The following KCNB2 variants were observed in gnomAD, a reference collection of about 807,000 sequenced individuals.
KCNB2 encodes the protein potassium voltage-gated channel subfamily B member 2.
In KCNB2, 15 loss-of-function variants were observed where a neutral mutation model predicts 61.5. The ratio of observed to expected loss-of-function variants is 0.24; its 90% CI spans 0.16 to 0.38. The LOEUF (loss-of-function observed/expected upper bound fraction) is 0.38. KCNB2 is among the 10% of genes least tolerant of loss of function. The pLI is 1.00. For missense variants in KCNB2, 828 were observed against 1,125.2 expected, an observed-to-expected ratio of 0.74 and a Z score of 3.78; for synonymous variants, 457 against 446.0, an observed-to-expected ratio of 1.02 and a Z score of -0.31.
intron 2 of KCNB2, among the ~76,000 whole-genome samples, chr8:72,839,572 C>A (rs1172762945): frequency 1.3e-5 from 2 of 149,352 alleles, no homozygotes; most frequent in African/African-American, 2.5e-5. Flanking sequence ...AAGAGGAGTG[C>A]CCCTTGAGCT....
chr8:72,544,014 C>T (rs1806226471), intron 1 of KCNB2, among the ~76,000 whole-genome samples: 1 of 152,124 alleles, frequency 6.6e-6, no homozygotes, highest in Admixed American at 6.5e-5. Flanking sequence ...TAGGGACATC[C>T]TATTAGTGGG....
At chr8:72,686,441 G>C (rs1024855822) in intron 2 of KCNB2, among the ~76,000 whole-genome samples, 1 of 152,042 alleles carries the variant, frequency 6.6e-6, no homozygotes, top group Non-Finnish European at 1.5e-5. Flanking sequence ...TCTGACTCCT[G>C]GGCTCAAGTG....
chr8:72,832,534 A>G (rs1254503939), intron 2 of KCNB2, among the ~76,000 whole-genome samples: 1 of 152,188 alleles, frequency 6.6e-6, no homozygotes, highest in Non-Finnish European at 1.5e-5. Flanking sequence ...AAATTAAAGC[A>G]GTACCAGAGC....
chr8:72,665,389 C>A (rs753211071), intron 2 of KCNB2, among the ~76,000 whole-genome samples: 2 of 152,036 alleles, frequency 1.3e-5, no homozygotes, highest in Non-Finnish European at 2.9e-5. Flanking sequence ...CTGGGGAAGT[C>A]GGATGGGGAG....
At chr8:72,751,081 C>A (rs2962310) in intron 2 of KCNB2, 13,975 of 152,070 alleles carry the variant, frequency 0.092, 1,231 homozygotes, top group East Asian at 0.5. Flanking sequence ...AAGCTTGAAG[C>A]TTGGTAGCAA....
At chr8:72,814,410 C>G (rs531365534) in intron 2 of KCNB2, among the ~76,000 whole-genome samples, 1 of 152,234 alleles carries the variant, frequency 6.6e-6, no homozygotes, top group African/African-American at 2.4e-5. Context: ...TTTACAGGTA[C>G]GACCAGTTTT....
chr8:72,901,489 C>G (rs2129006623), intron 2 of KCNB2, among the ~76,000 whole-genome samples: 1 of 152,278 alleles, frequency 6.6e-6, no homozygotes, highest in South Asian at 2.1e-4. Flanking sequence ...TACATTATGA[C>G]TTTCTTCTAT....
At chr8:72,887,480 C>A (rs901272659) in intron 2 of KCNB2, among the ~76,000 whole-genome samples, 3 of 152,248 alleles carry the variant, frequency 2.0e-5, no homozygotes, top group African/African-American at 7.2e-5. Context: ...AAACTCTGTA[C>A]GAGCTCATCA....
intron 2 of KCNB2, among the ~76,000 whole-genome samples, chr8:72,844,985 T>A (rs1478504088): frequency 6.6e-6 from 1 of 152,226 alleles, no homozygotes; most frequent in Non-Finnish European, 1.5e-5. Flanking sequence ...CCGTTGCTGG[T>A]GAGGAGTTGT....
At position 72,821,633 on chromosome 8, in the gene KCNB2, A is replaced by C. The variant is rs562516982; in HGVS notation, c.580-114302A>C. 4.6e-3 allele frequency among the ~76,000 whole-genome samples: 407 copies of C among 88,192 alleles called. 2 individuals are homozygous for C. Among genetic ancestry groups the C allele is most frequent in the African/African-American group, 0.02 (372 of 18,642 alleles). 57.9% of individuals were successfully genotyped at this position (88,192 alleles called of 152,430 possible). On this transcript the variant is annotated intron_variant, in intron 2 of 2. Coordinates refer to ENST00000523207, the MANE Select transcript of KCNB2 (RefSeq NM_004770.3). ...AAGTAAGTTCCTACACACACACACA[A>C]AAAAAAACAAAAAAAAAAAAAAAAA...
intron 2 of KCNB2, chr8:72,661,503 A>G (rs777940895): frequency 1.3e-5 from 2 of 152,222 alleles, no homozygotes; most frequent in African/African-American, 2.4e-5. Flanking sequence ...TAGAAACCTC[A>G]TTTGACGTAG....
At chr8:72,826,074 G>C (rs532878700) in intron 2 of KCNB2, among the ~76,000 whole-genome samples, 2 of 152,146 alleles carry the variant, frequency 1.3e-5, no homozygotes, top group African/African-American at 4.8e-5. Flanking sequence ...TTTATAAATG[G>C]TATAACGTAT....
At chr8:72,607,037 T>C (rs1476194569) in intron 2 of KCNB2, among the ~76,000 whole-genome samples, 1 of 152,006 alleles carries the variant, frequency 6.6e-6, no homozygotes, top group Non-Finnish European at 1.5e-5. Flanking sequence ...AAATGAGTTA[T>C]AGAGTGGTGG....
chr8:72,744,912 G>A (rs1808031306), intron 2 of KCNB2, among the ~76,000 whole-genome samples: 1 of 152,176 alleles, frequency 6.6e-6, no homozygotes, highest in African/African-American at 2.4e-5. Context: ...CTTTGCAATG[G>A]GCTTATAGGC....
intron 2 of KCNB2, among the ~76,000 whole-genome samples, chr8:72,574,570 G>T (rs888369327): frequency 6.6e-6 from 1 of 151,866 alleles, no homozygotes; most frequent in Non-Finnish European, 1.5e-5. Context: ...ATCTGAAGAG[G>T]GCCAGTCTTA....
intron 2 of KCNB2, among the ~76,000 whole-genome samples, chr8:72,782,794 C>A (rs572196876): frequency 6.6e-6 from 1 of 152,224 alleles, no homozygotes; most frequent in Admixed American, 6.5e-5. Flanking sequence ...TTTCTGTTGA[C>A]CTTGGCAGAG....
chr8:72,575,331 A>G (rs924076287), intron 2 of KCNB2, among the ~76,000 whole-genome samples: 2 of 147,434 alleles, frequency 1.4e-5, no homozygotes, highest in South Asian at 4.2e-4. Context: ...TAATACTCAT[A>G]CTATTGATTA....
chr8:72,599,218 C>G (rs2128982244), intron 2 of KCNB2, among the ~76,000 whole-genome samples: 1 of 152,238 alleles, frequency 6.6e-6, no homozygotes, highest in Admixed American at 6.5e-5. Flanking sequence ...GCTACAGTAA[C>G]CAAAACAGCA....
intron 2 of KCNB2, among the ~76,000 whole-genome samples, chr8:72,691,498 C>T (rs186896453): frequency 9.2e-5 from 14 of 152,170 alleles, no homozygotes; most frequent in Admixed American, 4.6e-4. Context: ...TTTTTTTTCA[C>T]GCATAATAAG....
Sources: gnomAD v4.1 joint callset for allele counts (sites outside exome capture counted in the v4.1 genomes callset) on GRCh38, gnomAD v4.1.1 for gene constraint, MANE v1.5 for transcripts, NCBI Gene and HGNC (gene_info 2026-07-23, HGNC 2026-07-21) for gene names.